TWSG1: variants seen among roughly 807,000 people sequenced by gnomAD.
The protein encoded by TWSG1 is twisted gastrulation BMP signaling modulator 1.
Under a neutral mutation model 23.0 loss-of-function variants are expected in TWSG1, and 15 were observed. The observed-to-expected ratio is 0.65, with a 90% CI of 0.44 to 1.00. TWSG1 has a LOEUF of 1.00. Among genes scored for constraint, TWSG1 ranks in the 50% least tolerant of loss-of-function variants. TWSG1 has a pLI of 0.00. For missense variants in TWSG1, 242 were observed against 278.7 expected (o/e 0.87, Z 0.94); for synonymous variants, 86 against 92.8 (o/e 0.93, Z 0.42).
In TWSG1 at chr18:9,369,256, T is replaced by A. The variant is rs141046705; in HGVS notation, c.223+9185T>A. On this transcript the variant is annotated intron_variant, in intron 3 of 4. Transcript: ENST00000262120. ...CATTTGTATGTCTTCTTTTGATTAA[T>A]GTCTATTCTGATCCTTTGCCCGTTT... 3.3e-5 allele frequency among the ~76,000 whole-genome samples: 5 copies of A among 152,352 alleles called. No individual in the cohort carries two copies. In the East Asian group the frequency reaches 9.6e-4, roughly 29 times the overall value.
At chr18:9,396,810 C>T (rs540162242) in intron 4 of TWSG1, 3 of 531,758 alleles carry the variant, frequency 5.6e-6, no homozygotes, top group Non-Finnish European at 9.7e-6. Context: ...CCTGTAATCC[C>T]AGCACTTTGG....
intron 3 of TWSG1, among the ~76,000 whole-genome samples, chr18:9,377,041 C>T (rs563800534): frequency 5.9e-5 from 9 of 152,018 alleles, no homozygotes; most frequent in South Asian, 2.1e-4. Flanking sequence ...GTAGGTTATA[C>T]GCAAAAACTA....
At chr18:9,345,029 A>G (rs896908016) in intron 2 of TWSG1, among the ~76,000 whole-genome samples, 1 of 152,142 alleles carries the variant, frequency 6.6e-6, no homozygotes, top group Non-Finnish European at 1.5e-5. Flanking sequence ...AAAGCGCTGG[A>G]ATTACAGGTG....
intron 2 of TWSG1, among the ~76,000 whole-genome samples, chr18:9,342,469 A>G (rs1163193001): frequency 1.3e-5 from 2 of 152,248 alleles, no homozygotes; most frequent in Non-Finnish European, 2.9e-5. Flanking sequence ...TAATGATTAT[A>G]TAAATATTGT....
intron 3 of TWSG1, among the ~76,000 whole-genome samples, chr18:9,390,291 A>G (rs2040706578): frequency 6.6e-6 from 1 of 152,100 alleles, no homozygotes; most frequent in African/African-American, 2.4e-5. Context: ...CCTCCCGAGT[A>G]GCTGGGACTA....
rs1197645206 is a variant in TWSG1 at position 9,401,208 on chromosome 18, T to C, written c.*1681T>C. ...CATTAGGGTCTCCTTTTCTTCCTTT[T>C]ACCTAGAATGCCTCATTTAAAAGTG... is the stretch of plus-strand genomic sequence containing the variant. On this transcript the variant is annotated 3_prime_UTR_variant, in exon 5 of 5. Coordinates refer to ENST00000262120, the MANE Select transcript of TWSG1 (RefSeq NM_020648.6). The C allele has an allele frequency of 2.0e-5, 3 of 152,208 alleles. No individual in the cohort carries two copies. Among genetic ancestry groups the C allele is most frequent in the Non-Finnish European group, 2.9e-5 (2 of 68,036 alleles). 9.4% of individuals were successfully genotyped at this position (152,208 alleles called of 1,614,324 possible). A position where few individuals can be genotyped will look rare whatever the true frequency, so the allele number is the denominator to read the frequency against.
At chr18:9,381,347 T>A (rs1416812873) in intron 3 of TWSG1, among the ~76,000 whole-genome samples, 1 of 152,210 alleles carries the variant, frequency 6.6e-6, no homozygotes, top group Non-Finnish European at 1.5e-5. Flanking sequence ...TTCAGTCTTT[T>A]GTGCTGTGTT....
In TWSG1 at chr18:9,360,084, C is replaced by A; in HGVS notation, c.223+13C>A. 6.3e-7 allele frequency: 1 copy of A among 1,595,438 alleles called. No individual in the cohort carries two copies. Among genetic ancestry groups the A allele is most frequent in the Non-Finnish European group, 8.6e-7 (1 of 1,164,134 alleles). Reference sequence around the variant, plus strand: ...TGTGACTGTGTTGGTAAGTTGATACCAAGGGAGACTTCTTAATATTTCTTA... The same window carrying A: ...TGTGACTGTGTTGGTAAGTTGATACAAAGGGAGACTTCTTAATATTTCTTA... On this transcript the variant is annotated intron_variant, in intron 3 of 4. Coordinates refer to ENST00000262120, the MANE Select transcript of TWSG1 (RefSeq NM_020648.6).
chr18:9,397,732 G>A (rs2040743392), intron 4 of TWSG1, among the ~76,000 whole-genome samples: 1 of 152,136 alleles, frequency 6.6e-6, no homozygotes, highest in African/African-American at 2.4e-5. Context: ...CGGGCTGGGT[G>A]CGGTGGCTCA....
At chr18:9,360,264 T>C (rs1056345173) in intron 3 of TWSG1, among the ~76,000 whole-genome samples, 193 bp downstream of exon 3, 3 of 152,238 alleles carry the variant, frequency 2.0e-5, no homozygotes. Context: ...TATTTAAAAG[T>C]GCTTATCCTT....
At chr18:9,377,541 CG>C (rs1482275564) in intron 3 of TWSG1, among the ~76,000 whole-genome samples, 1 of 151,430 alleles carries the variant, frequency 6.6e-6, no homozygotes, top group Non-Finnish European at 1.5e-5. Context: ...TTTTAACAAA[CG>C]GTGCTGGAAC....
At chr18:9,374,910 G>A (rs551682739) in intron 3 of TWSG1, among the ~76,000 whole-genome samples, 2 of 152,172 alleles carry the variant, frequency 1.3e-5, no homozygotes, top group Non-Finnish European at 2.9e-5. Flanking sequence ...GCTCACGCCT[G>A]TAATCCCAGC....
At chr18:9,345,059 C>T (rs746514881) in intron 2 of TWSG1, among the ~76,000 whole-genome samples, 4 of 152,192 alleles carry the variant, frequency 2.6e-5, no homozygotes, top group Non-Finnish European at 5.9e-5. Flanking sequence ...ATGCCCAACC[C>T]AGAACCTATG....
At chr18:9,389,992 C>T (rs988492275) in intron 3 of TWSG1, among the ~76,000 whole-genome samples, 7 of 152,126 alleles carry the variant, frequency 4.6e-5, no homozygotes, top group African/African-American at 1.7e-4. Flanking sequence ...TTAAAAAATA[C>T]GTACCTTAAA....
At chr18:9,346,774 A>G (rs1414740590) in intron 2 of TWSG1, among the ~76,000 whole-genome samples, 3 of 152,224 alleles carry the variant, frequency 2.0e-5, no homozygotes, top group Non-Finnish European at 4.4e-5. Context: ...ATAAAATAAC[A>G]TAAAGCTGCT....
chr18:9,351,726 C>T (rs1005453582), intron 2 of TWSG1, among the ~76,000 whole-genome samples: 4 of 151,376 alleles, frequency 2.6e-5, no homozygotes, highest in African/African-American at 9.7e-5. Flanking sequence ...CTCACTGCAA[C>T]CTCTGCTTCC....
chr18:9,341,002 TCTC>T (rs781663092), intron 2 of TWSG1, among the ~76,000 whole-genome samples: 7 of 152,236 alleles, frequency 4.6e-5, no homozygotes, highest in Non-Finnish European at 8.8e-5. Context: ...CTTCCTGACT[TCTC>T]CTCCCCTTCC....
At chr18:9,365,336 T>A (rs7237850) in intron 3 of TWSG1, among the ~76,000 whole-genome samples, 77,618 of 151,722 alleles carry the variant, frequency 0.51, 20,217 homozygotes, top group East Asian at 0.73. Context: ...AAAATTTTTT[T>A]AAATAAATAA....
At position 9,339,963 on chromosome 18, in the gene TWSG1, C is replaced by T. The variant is rs558768207; in HGVS notation, c.123+2611C>T. Among the ~76,000 whole-genome samples the T allele has an allele frequency of 2.0e-5, 3 of 152,294 alleles. No homozygotes were observed. The East Asian group carries it at 5.8e-4, about 29-fold the overall frequency. On this transcript the variant is annotated intron_variant, in intron 2 of 4. Coordinates refer to ENST00000262120, the MANE Select transcript of TWSG1 (RefSeq NM_020648.6). The stretch of plus-strand genomic sequence containing the variant: ...ATTTTCAGTCACAAATTCATGGATG[C>T]TGACATTTCTGATATTCCGTTGTAG...
Sources: gnomAD v4.1 joint callset for allele counts (sites outside exome capture counted in the v4.1 genomes callset) on GRCh38, gnomAD v4.1.1 for gene constraint, MANE v1.5 for transcripts, NCBI Gene and HGNC (gene_info 2026-07-23, HGNC 2026-07-21) for gene names.